ZNF248: variants seen among roughly 807,000 people sequenced by gnomAD.
ZNF248 encodes zinc finger protein 248.
ZNF248 carries 20 observed loss-of-function variants against 44.3 expected under a neutral mutation model. The observed-to-expected ratio is 0.45, with a 90% CI of 0.32 to 0.66. ZNF248 has a LOEUF of 0.66. Among genes scored for constraint, ZNF248 ranks in the 30% least tolerant of loss-of-function variants. The pLI is 0.04. For synonymous variants in ZNF248, 224 were observed against 229.0 expected (o/e 0.98, Z 0.20); for missense variants, 654 against 677.0 (o/e 0.97, Z 0.38).
chr10:37,853,831 AC>A (rs2060773229), intron 3 of ZNF248, among the ~76,000 whole-genome samples: 1 of 152,372 alleles, frequency 6.6e-6, no homozygotes, highest in Admixed American at 6.5e-5. Flanking sequence ...AAAGATCTGC[AC>A]AAGAAACAAT....
chr10:37,809,372 G>C (rs552146415), intron 6 of ZNF248, among the ~76,000 whole-genome samples: 2 of 152,124 alleles, frequency 1.3e-5, no homozygotes, highest in Admixed American at 1.3e-4. Flanking sequence ...CCACCTCCCA[G>C]GTTCAAGTGA....
chr10:37,797,419 C>T (rs1322827786), intron 6 of ZNF248, among the ~76,000 whole-genome samples: 1 of 151,942 alleles, frequency 6.6e-6, no homozygotes, highest in African/African-American at 2.4e-5. Flanking sequence ...ATATGACACC[C>T]AAAGCATGAG....
intron 6 of ZNF248, chr10:37,795,020 T>G (rs2048985208): frequency 1.3e-5 from 2 of 152,358 alleles, no homozygotes; most frequent in African/African-American, 4.8e-5. Context: ...TCTCTGATAA[T>G]GGGTAAAGTG....
downstream of ZNF248, among the ~76,000 whole-genome samples, chr10:37,774,098 A>C (rs2046396913): frequency 6.6e-6 from 1 of 152,090 alleles, no homozygotes; most frequent in African/African-American, 2.4e-5. Flanking sequence ...TCTTCATCTT[A>C]AAGTTTTTCC....
At chr10:37,769,080 T>C in the ZNF248 span, among the ~76,000 whole-genome samples, 1 of 152,278 alleles carries the variant, frequency 6.6e-6, no homozygotes, top group Non-Finnish European at 1.5e-5. Context: ...AGGAAGAAGT[T>C]GAATCTCTGA....
chr10:37,843,140 C>A (rs1310642892), intron 3 of ZNF248, among the ~76,000 whole-genome samples: 1 of 152,088 alleles, frequency 6.6e-6, no homozygotes, highest in Non-Finnish European at 1.5e-5. Flanking sequence ...ACAAGGAAAC[C>A]AGACTATAAA....
At chr10:37,803,677 CT>C (rs1481133367) in intron 6 of ZNF248, 3 of 152,288 alleles carry the variant, frequency 2.0e-5, no homozygotes, top group Non-Finnish European at 4.4e-5. Flanking sequence ...TCAAAAGCTA[CT>C]TTATTCCAAG....
chr10:37,832,054 T>G lies in ZNF248; in HGVS notation c.1301A>C (p.Lys434Thr). ...TNHQRTHTGE[K>T]PYECKQCGKT... ...TCCACATTGCTTACATTCATAGGGT[T>G]TTTCTCCTGTATGTGTTCGCTGATG... The change falls in exon 6 of 6, where the codon AAA becomes ACA. Residue 434 changes from lysine to threonine, a missense_variant. Coordinates refer to ENST00000395867, the MANE Select transcript of ZNF248 (RefSeq NM_021045.3). 1 of 1,614,022 alleles carries G rather than the reference T, an allele frequency of 6.2e-7. No individual in the cohort carries two copies. Among genetic ancestry groups the G allele is most frequent in the Non-Finnish European group, 8.5e-7 (1 of 1,179,936 alleles).
chr10:37,767,295 G>C, the ZNF248 span, among the ~76,000 whole-genome samples: 3 of 152,098 alleles, frequency 2.0e-5, no homozygotes, highest in African/African-American at 7.2e-5. Flanking sequence ...TACTCCTCGA[G>C]AAGAGCAAGT....
At chr10:37,819,287 T>G in intron 6 of ZNF248, 2 of 956,242 alleles carry the variant, frequency 2.1e-6, no homozygotes, top group Admixed American at 1.7e-5. Flanking sequence ...CTCACAGTAT[T>G]CTAACACTGT....
rs1401438138 is a variant in ZNF248, at chr10:37,831,545, T to G, written c.*70A>C. 2.0e-6 allele frequency: 3 copies of G among 1,534,010 alleles called. No individual in the cohort carries two copies. Among genetic ancestry groups the G allele is most frequent in the Non-Finnish European group, 2.6e-6 (3 of 1,144,212 alleles). On this transcript the variant is annotated 3_prime_UTR_variant, in exon 6 of 6. Coordinates refer to ENST00000395867, the MANE Select transcript of ZNF248 (RefSeq NM_021045.3). Reference sequence around the variant, plus strand: ...ATTTTCTACAAATTTCTGACATTCTTTGGCTTTCTCTGATCTCCTTTTTTG... The same window carrying G: ...ATTTTCTACAAATTTCTGACATTCTGTGGCTTTCTCTGATCTCCTTTTTTG...
In ZNF248 at chr10:37,830,203, G is replaced by A. The variant is rs1317308812; in HGVS notation, c.*1412C>T. On this transcript the variant is annotated 3_prime_UTR_variant, in exon 6 of 6. Coordinates refer to ENST00000395867, the MANE Select transcript of ZNF248 (RefSeq NM_021045.3). ...GCAGTGTTACTGCTTGTTAACCTTT[G>A]CATAATTTATGTAAAAACCATTCTT... 6.1e-6 allele frequency: 6 copies of A among 985,302 alleles called. No individual in the cohort carries two copies. The highest frequency in any genetic ancestry group is 7.2e-6 in the Non-Finnish European group (6 of 829,898). 61.0% of individuals were successfully genotyped at this position (985,302 alleles called of 1,614,324 possible).
At chr10:37,813,192 T>C (rs1416925003) in intron 6 of ZNF248, among the ~76,000 whole-genome samples, 1 of 152,136 alleles carries the variant, frequency 6.6e-6, no homozygotes, top group Non-Finnish European at 1.5e-5. Flanking sequence ...TAGAAGAACG[T>C]ACAAGAAACA....
chr10:37,767,381 C>T, the ZNF248 span, among the ~76,000 whole-genome samples: 17 of 152,170 alleles, frequency 1.1e-4, no homozygotes, highest in African/African-American at 3.6e-4. Flanking sequence ...AGAGAAAGGT[C>T]GGGTTACCCA....
At chr10:37,767,698 T>A in the ZNF248 span, among the ~76,000 whole-genome samples, 1 of 152,160 alleles carries the variant, frequency 6.6e-6, no homozygotes, top group Non-Finnish European at 1.5e-5. Flanking sequence ...CAATCAAGGC[T>A]AGGAAGAAAC....
the ZNF248 span, among the ~76,000 whole-genome samples, chr10:37,761,469 A>C: frequency 2.6e-5 from 4 of 152,258 alleles, no homozygotes; most frequent in Admixed American, 1.3e-4. Flanking sequence ...CATAGCAACA[A>C]CATAGGGACA....
intron 4 of ZNF248, 36 bp downstream of exon 4, chr10:37,837,949 G>A (rs1007000831): frequency 6.2e-7 from 1 of 1,601,634 alleles, no homozygotes. Flanking sequence ...GTAAATGCAT[G>A]CTATTGATAG....
Position 37,830,176 on chromosome 10 carries a change from G to A in ZNF248, c.*1439C>T. 2.0e-6 allele frequency: 2 copies of A among 985,378 alleles called. No homozygotes were observed. Among genetic ancestry groups the A allele is most frequent in the Non-Finnish European group, 2.4e-6 (2 of 829,916 alleles). The allele number at this position is 985,378 out of a possible 1,614,324, so 61.0% of individuals were successfully genotyped here. ...ATTACATACCGCCACTTTTTGAGGA[G>A]TGCAGTGTTACTGCTTGTTAACCTT... On this transcript the variant is annotated 3_prime_UTR_variant, in exon 6 of 6. Coordinates refer to ENST00000395867, the MANE Select transcript of ZNF248 (RefSeq NM_021045.3).
At chr10:37,789,357 T>C (rs1373488311) in intron 6 of ZNF248, among the ~76,000 whole-genome samples, 1 of 151,356 alleles carries the variant, frequency 6.6e-6, no homozygotes, top group Admixed American at 6.6e-5. Flanking sequence ...TACAGAGTAA[T>C]TTTTCAGACT....
Sources: allele counts gnomAD v4.1 joint callset (sites outside exome capture counted in the v4.1 genomes callset), GRCh38; gene constraint gnomAD v4.1.1; transcripts MANE v1.5; gene names NCBI Gene and HGNC (gene_info 2026-07-23, HGNC 2026-07-21).